The following ALDH1L1 variants were observed in gnomAD, a reference collection of about 807,000 sequenced individuals.
The protein encoded by ALDH1L1 is aldehyde dehydrogenase 1 family member L1, also known as cytosolic 10-formyltetrahydrofolate dehydrogenase.
In ALDH1L1, 68 loss-of-function variants were observed where a neutral mutation model predicts 101.1. The ratio of observed to expected loss-of-function variants is 0.67; its 90% CI spans 0.55 to 0.82. The LOEUF is 0.82. Among genes scored for constraint, ALDH1L1 ranks in the 40% least tolerant of loss-of-function variants. The probability of loss-of-function intolerance (pLI) is 0.00; values close to 1 mark genes in which losing one functional copy is unlikely to be tolerated. For synonymous variants in ALDH1L1, 486 were observed against 470.8 expected (o/e 1.03, Z -0.42); for missense variants, 1,087 against 1,172.7 (o/e 0.93, Z 1.07).
At chr3:126,120,813 C>G (rs78552734) in intron 16 of ALDH1L1, among the ~76,000 whole-genome samples, 1 of 152,106 alleles carries the variant, frequency 6.6e-6, no homozygotes, top group Non-Finnish European at 1.5e-5. Context: ...AATAACAACA[C>G]TCTCTTAGGC....
chr3:126,145,724 C>G (rs867633133), intron 9 of ALDH1L1, among the ~76,000 whole-genome samples: 2 of 152,064 alleles, frequency 1.3e-5, no homozygotes, highest in Admixed American at 1.3e-4. Context: ...TTTAGTTGTG[C>G]GAGAAAAAGT....
At chr3:126,159,730 G>T (rs1000878233) in intron 2 of ALDH1L1, among the ~76,000 whole-genome samples, 2 of 152,208 alleles carry the variant, frequency 1.3e-5, no homozygotes. Context: ...AGCAGCTGGG[G>T]TCAGTGGTCA....
At position 126,155,426 on chromosome 3, in the gene ALDH1L1, C is replaced by G; in HGVS notation, c.606G>C (p.Gly202=). 4.3e-6 allele frequency: 7 copies of G among 1,612,902 alleles called. No homozygotes were observed. The highest frequency in any genetic ancestry group is 5.9e-6 in the Non-Finnish European group (7 of 1,179,586). Residue 202 remains glycine (G), a synonymous_variant, in exon 5 of 23, where the codon GGG becomes GGC. Coordinates refer to ENST00000393434, the MANE Select transcript of ALDH1L1 (RefSeq NM_012190.4). The part of the protein sequence containing the change: ...PQPEEGATYE[G]IQKKETAKIN... ...CCTTGGCTGTCTCCTTCTTCTGAATCCCCTCATAGGTGGCTCCTTCCTCAG... is the reference window on the plus strand; with the variant it reads ...CCTTGGCTGTCTCCTTCTTCTGAATGCCCTCATAGGTGGCTCCTTCCTCAG...
At chr3:126,197,405 G>C (rs2081587768) in intron 1 of ALDH1L1, among the ~76,000 whole-genome samples, 1 of 151,998 alleles carries the variant, frequency 6.6e-6, no homozygotes, top group Admixed American at 6.6e-5. Flanking sequence ...TGAAACAAAA[G>C]AGTAGAATAC....
chr3:126,175,175 C>T (rs932254664), intron 1 of ALDH1L1, among the ~76,000 whole-genome samples: 1 of 152,084 alleles, frequency 6.6e-6, no homozygotes, highest in Non-Finnish European at 1.5e-5. Context: ...GAAAGTACAA[C>T]GTTCCAAAAC....
rs138624090 is a variant in ALDH1L1 at position 126,123,257 on chromosome 3, CTTT to C, written c.1888+1104_1888+1106del. On this transcript the variant is annotated intron_variant, in intron 16 of 22. Coordinates refer to ENST00000393434, the MANE Select transcript of ALDH1L1 (RefSeq NM_012190.4). ...CAAGGTGTGAGGTATCACCAAAACTCTTTTTTTTTTTTTTTTTTGAGACAGAGT... is the reference window on the plus strand; with the variant it reads ...CAAGGTGTGAGGTATCACCAAAACTCTTTTTTTTTTTTTTTGAGACAGAGT... Among the ~76,000 whole-genome samples the C allele has an allele frequency of 1.9e-3, 257 of 138,598 alleles. 1 individual carries two copies. The highest frequency in any genetic ancestry group is 0.018 in the South Asian group (76 of 4,324). The allele number at this position is 138,598 out of a possible 152,430, so 90.9% of individuals were successfully genotyped here. A position where few individuals can be genotyped will look rare whatever the true frequency, so the allele number is the denominator to read the frequency against.
intron 16 of ALDH1L1, among the ~76,000 whole-genome samples, chr3:126,123,269 T>G (rs917056428): frequency 6.6e-5 from 10 of 151,858 alleles, no homozygotes; most frequent in Admixed American, 2.0e-4. Context: ...TTTTTTTTTT[T>G]TTTTTTGAGA....
intron 1 of ALDH1L1, among the ~76,000 whole-genome samples, chr3:126,188,959 G>T (rs1390119544): frequency 2.0e-5 from 3 of 151,894 alleles, no homozygotes; most frequent in African/African-American, 7.2e-5. Flanking sequence ...TTTTGTGACT[G>T]AGTCTGTACA....
chr3:126,180,858 G>A (rs2081464186), upstream of ALDH1L1: 2 of 1,558,910 alleles, frequency 1.3e-6, no homozygotes, highest in Non-Finnish European at 1.7e-6. Flanking sequence ...AGCAGGGCTG[G>A]CAGTTCTGAG....
rs750282600 is a variant in ALDH1L1, at chr3:126,153,412, A to G, written c.858+32T>C. The G allele has an allele frequency of 1.9e-6, 3 of 1,611,018 alleles. No individual in the cohort carries two copies. In the Admixed American group the frequency reaches 5.0e-5, roughly 27 times the overall value. On this transcript the variant is annotated intron_variant, in intron 7 of 22. Coordinates refer to ENST00000393434, the MANE Select transcript of ALDH1L1 (RefSeq NM_012190.4). ...AAGGACAGGAGCATGGGTGGCTTTGAGCAGGCAAGTGACCCACAGCCGTGC... is the reference window on the plus strand; with the variant it reads ...AAGGACAGGAGCATGGGTGGCTTTGGGCAGGCAAGTGACCCACAGCCGTGC...
At chr3:126,103,986 G>A (rs535039683) in intron 22 of ALDH1L1, 140 bp from the exon 23 acceptor site, 16 of 915,862 alleles carry the variant, frequency 1.7e-5, no homozygotes, top group African/African-American at 1.6e-4. Context: ...GAGGCCCAGC[G>A]AGGTCATGAA....
At chr3:126,187,569 C>T (rs1203963406) in intron 1 of ALDH1L1, among the ~76,000 whole-genome samples, 2 of 152,164 alleles carry the variant, frequency 1.3e-5, no homozygotes, top group African/African-American at 4.8e-5. Context: ...CCTCAGTTTA[C>T]AGTGGGGCGA....
At position 126,157,371 on chromosome 3, in the gene ALDH1L1, A is replaced by C; in HGVS notation, c.500T>G (p.Phe167Cys). 6.2e-7 allele frequency: 1 copy of C among 1,613,676 alleles called. No homozygotes were observed. Among genetic ancestry groups the C allele is most frequent in the Non-Finnish European group, 8.5e-7 (1 of 1,179,818 alleles). ...CCCTTTGATGCCTTCAGGGAAGAGG[A>C]AGCGGTTGTACAGCGTGCTCACGGT... The part of the protein sequence containing the change: ...DDTVSTLYNR[F>C]LFPEGIKGMV... Residue 167 changes from phenylalanine to cysteine, a missense_variant, in exon 4 of 23, where the codon TTC (phenylalanine) becomes TGC (cysteine). Phe to Cys is a radical substitution (Grantham distance 205). This residue lies in a region of ALDH1L1 where 645 missense variants were observed against 637.0 expected (regional missense o/e 1.01). Coordinates refer to ENST00000393434, the MANE Select transcript of ALDH1L1 (RefSeq NM_012190.4).
chr3:126,134,803 G>C (rs1055184531), intron 12 of ALDH1L1, among the ~76,000 whole-genome samples: 65 of 152,280 alleles, frequency 4.3e-4, no homozygotes, highest in African/African-American at 1.4e-3. Context: ...CAGGACCCCA[G>C]CGAAAGAGCC....
intron 9 of ALDH1L1, among the ~76,000 whole-genome samples, chr3:126,144,920 A>G (rs2080643687): frequency 6.6e-6 from 1 of 152,238 alleles, no homozygotes; most frequent in South Asian, 2.1e-4. Context: ...ACTTCTGCAA[A>G]CCATGTATCT....
At chr3:126,136,636 G>A (rs912743914) in intron 11 of ALDH1L1, 128 bp downstream of exon 11, 34 of 1,409,512 alleles carry the variant, frequency 2.4e-5, no homozygotes, top group East Asian at 1.8e-4. Flanking sequence ...ATTCTTTCCC[G>A]TCCCTCTCAA....
At chr3:126,177,474 T>C (rs954148822) in intron 1 of ALDH1L1, among the ~76,000 whole-genome samples, 4 of 152,132 alleles carry the variant, frequency 2.6e-5, no homozygotes, top group Admixed American at 2.6e-4. Context: ...ATATACCATA[T>C]GATTCATACA....
At chr3:126,159,752 G>A (rs554470144) in intron 2 of ALDH1L1, among the ~76,000 whole-genome samples, 2 of 152,158 alleles carry the variant, frequency 1.3e-5, no homozygotes, top group African/African-American at 4.8e-5. Context: ...TTAGTGGCTG[G>A]GTGTAGGACC....
At chr3:126,134,342 G>A (rs1339812379) in intron 12 of ALDH1L1, among the ~76,000 whole-genome samples, 2 of 152,204 alleles carry the variant, frequency 1.3e-5, no homozygotes, top group Non-Finnish European at 2.9e-5. Flanking sequence ...TGGCAGCAGA[G>A]GCCAAGGGAG....
Sources: gnomAD v4.1 joint callset for allele counts (sites outside exome capture counted in the v4.1 genomes callset) on GRCh38, gnomAD v4.1.1 for gene constraint, gnomAD v4.1.1 regional missense constraint, MANE v1.5 for transcripts, NCBI Gene and HGNC (gene_info 2026-07-23, HGNC 2026-07-21) for gene names.